The following CNTN4 variants were observed in gnomAD, a reference collection of about 807,000 sequenced individuals.
CNTN4 encodes the protein contactin 4.
A neutral mutation model predicts 122.5 loss-of-function variants in CNTN4; 77 were observed. The ratio of observed to expected loss-of-function variants is 0.63; its 90% CI spans 0.52 to 0.76. CNTN4 has a LOEUF of 0.76. Among genes scored for constraint, CNTN4 ranks in the 30% least tolerant of loss-of-function variants. The pLI is 0.00. For missense variants in CNTN4, 1,256 were observed against 1,259.1 expected, an observed-to-expected ratio of 1.00 and a Z score of 0.04; for synonymous variants, 512 against 447.0, an observed-to-expected ratio of 1.15 and a Z score of -1.83.
At chr3:2,172,063 C>T (rs2036541271) in intron 2 of CNTN4, among the ~76,000 whole-genome samples, 1 of 152,152 alleles carries the variant, frequency 6.6e-6, no homozygotes, top group Non-Finnish European at 1.5e-5. Context: ...TCTGCTGCAT[C>T]CAGGGGAAAG....
chr3:2,686,700 C>T (rs545312966), intron 4 of CNTN4, among the ~76,000 whole-genome samples: 113 of 152,254 alleles, frequency 7.4e-4, no homozygotes, highest in African/African-American at 2.6e-3. Context: ...ATGGTCTCTG[C>T]TTTCACATTT....
chr3:2,952,745 C>A (rs2094758883), intron 13 of CNTN4, among the ~76,000 whole-genome samples: 1 of 152,146 alleles, frequency 6.6e-6, no homozygotes, highest in Non-Finnish European at 1.5e-5. Flanking sequence ...TTCTTTAGAA[C>A]TGCTGTTTAA....
chr3:2,381,236 G>C lies in CNTN4; in HGVS notation c.-89+42003G>C, dbSNP rs574427600. Among the ~76,000 whole-genome samples, 78 of 152,198 alleles carry C rather than the reference G, an allele frequency of 5.1e-4. 2 individuals carry two copies. Among genetic ancestry groups the C allele is most frequent in the Middle Eastern group, 3.4e-3 (1 of 294 alleles). ...TTAGCCAGGATGGTCTCGATCTCCT[G>C]ACCTCGTGATCCACCCGCCTCGGCC... On this transcript the variant is annotated intron_variant, in intron 3 of 24. Coordinates refer to ENST00000418658, the MANE Select transcript of CNTN4 (RefSeq NM_175607.3).
intron 14 of CNTN4, among the ~76,000 whole-genome samples, chr3:3,025,592 G>A (rs745621555): frequency 3.4e-4 from 52 of 152,054 alleles, no homozygotes; most frequent in Admixed American, 2.2e-3. Context: ...TTTTATCTGG[G>A]TAGGATTTGT....
At chr3:2,099,969 G>A (rs540556708) in intron 1 of CNTN4, among the ~76,000 whole-genome samples, 1 of 152,350 alleles carries the variant, frequency 6.6e-6, no homozygotes, top group African/African-American at 2.4e-5. Context: ...CAGAGAGTCG[G>A]CTGCATGGAA....
At chr3:2,159,820 A>G (rs989988212) in intron 2 of CNTN4, among the ~76,000 whole-genome samples, 1 of 151,156 alleles carries the variant, frequency 6.6e-6, no homozygotes, top group African/African-American at 2.4e-5. Context: ...TCAATTTGAC[A>G]CAGCTCTTTT....
At chr3:3,000,158 A>G (rs934234714) in intron 14 of CNTN4, among the ~76,000 whole-genome samples, 2 of 152,112 alleles carry the variant, frequency 1.3e-5, no homozygotes, top group Non-Finnish European at 2.9e-5. Context: ...AACATCATTT[A>G]TGAGTCTACA....
intron 4 of CNTN4, among the ~76,000 whole-genome samples, chr3:2,699,903 G>C (rs1370218806): frequency 6.6e-6 from 1 of 152,094 alleles, no homozygotes; most frequent in African/African-American, 2.4e-5. Context: ...CACAAATTCA[G>C]AGCAGCTATG....
chr3:2,240,273 T>A (rs1298292664), intron 2 of CNTN4, among the ~76,000 whole-genome samples: 2 of 152,178 alleles, frequency 1.3e-5, no homozygotes, highest in African/African-American at 4.8e-5. Flanking sequence ...TATGTTTTCT[T>A]TTTTCCTTTT....
At chr3:2,176,730 AT>A (rs1477473798) in intron 2 of CNTN4, among the ~76,000 whole-genome samples, 3 of 152,148 alleles carry the variant, frequency 2.0e-5, no homozygotes, top group Non-Finnish European at 4.4e-5. Flanking sequence ...CAGCGGTTAA[AT>A]TTTAAGATAT....
At chr3:2,695,847 G>A (rs1371705728) in intron 4 of CNTN4, among the ~76,000 whole-genome samples, 1 of 152,090 alleles carries the variant, frequency 6.6e-6, no homozygotes. Flanking sequence ...ATGAGCAAAT[G>A]TTTTCCAAGA....
intron 6 of CNTN4, among the ~76,000 whole-genome samples, chr3:2,802,312 T>C (rs1428845106): frequency 1.3e-5 from 2 of 152,168 alleles, no homozygotes; most frequent in South Asian, 2.1e-4. Flanking sequence ...CCAGCTGAGG[T>C]TGAACAAAGT....
intron 3 of CNTN4, among the ~76,000 whole-genome samples, chr3:2,390,215 A>AGTGT (rs142190283): frequency 0.25 from 35,467 of 144,682 alleles, 4,383 homozygotes; most frequent in Admixed American, 0.33. Flanking sequence ...AGGAAAAAAG[A>AGTGT]GTGTGTGTGT....
chr3:2,507,406 T>C (rs2076759390), intron 3 of CNTN4, among the ~76,000 whole-genome samples: 1 of 151,974 alleles, frequency 6.6e-6, no homozygotes, highest in South Asian at 2.1e-4. Flanking sequence ...TGTTCTCTTC[T>C]TGGATGTTAA....
chr3:2,228,704 T>C (rs2039377362), intron 2 of CNTN4, among the ~76,000 whole-genome samples: 1 of 152,162 alleles, frequency 6.6e-6, no homozygotes, highest in African/African-American at 2.4e-5. Context: ...TGAGTTTTAG[T>C]TGGAATATTT....
At chr3:2,976,960 C>T (rs961506050) in intron 13 of CNTN4, among the ~76,000 whole-genome samples, 1 of 152,016 alleles carries the variant, frequency 6.6e-6, no homozygotes, top group African/African-American at 2.4e-5. Flanking sequence ...ATTAATCTGC[C>T]AGGCTTTTCT....
rs568945049 is a variant in CNTN4 at position 2,396,038 on chromosome 3, T to C, written c.-89+56805T>C. Among the ~76,000 whole-genome samples, 251 of 151,682 alleles carry C rather than the reference T, an allele frequency of 1.7e-3. 2 individuals are homozygous for C. Among genetic ancestry groups the C allele is most frequent in the African/African-American group, 5.6e-3 (231 of 41,362 alleles). On this transcript the variant is annotated intron_variant, in intron 3 of 24. Transcript: ENST00000418658. Reference sequence around the variant, plus strand: ...ATATTCCTTATGGGGCTGTTTGTTGTTGTTATTTTTTTTTTTTTTAGACAA... The same window carrying C: ...ATATTCCTTATGGGGCTGTTTGTTGCTGTTATTTTTTTTTTTTTTAGACAA...
chr3:2,909,435 T>C (rs1312662719), intron 12 of CNTN4, among the ~76,000 whole-genome samples: 2 of 152,144 alleles, frequency 1.3e-5, no homozygotes, highest in African/African-American at 4.8e-5. Context: ...TTTTTTTTTT[T>C]TCTCTTAGTA....
intron 3 of CNTN4, among the ~76,000 whole-genome samples, chr3:2,382,401 C>T (rs149767030): frequency 0.021 from 3,147 of 152,072 alleles, 42 homozygotes; most frequent in African/African-American, 0.033. Flanking sequence ...ATGATCCACC[C>T]GCCTCGGCCT....
Sources: allele counts gnomAD v4.1 joint callset (sites outside exome capture counted in the v4.1 genomes callset), GRCh38; gene constraint gnomAD v4.1.1; transcripts MANE v1.5; gene names NCBI Gene and HGNC (gene_info 2026-07-23, HGNC 2026-07-21).